Variants in MEIS1 observed in about 807,000 individuals in gnomAD.
MEIS1 encodes homeobox protein Meis1.
Under a neutral mutation model 50.8 loss-of-function variants are expected in MEIS1, and 5 were observed. The ratio of observed to expected loss-of-function variants is 0.10; its 90% CI spans 0.05 to 0.21. The LOEUF (loss-of-function observed/expected upper bound fraction) is 0.21. Ranked by LOEUF, MEIS1 falls within the 10% of genes least tolerant of loss-of-function variation. The pLI, the probability that MEIS1 is intolerant of heterozygous loss-of-function variation, is 1.00. For synonymous variants in MEIS1, 176 were observed against 179.3 expected (o/e 0.98, Z 0.15); for missense variants, 318 against 517.3 (o/e 0.61, Z 3.74).
At chr2:66,438,953 C>T (rs1331805166) in intron 2 of MEIS1, 1 of 152,084 alleles carries the variant, frequency 6.6e-6, no homozygotes, top group Non-Finnish European at 1.5e-5. Flanking sequence ...TGGGACAGAA[C>T]ATTTGGGGAA....
intron 8 of MEIS1, among the ~76,000 whole-genome samples, chr2:66,521,144 T>C (rs4586617): frequency 1.3e-5 from 2 of 152,152 alleles, no homozygotes; most frequent in African/African-American, 4.8e-5. Context: ...GAAAGCTACA[T>C]CTGTTGATAT....
At chr2:66,512,414 C>G in intron 8 of MEIS1, 120 bp downstream of exon 8, 2 of 1,186,634 alleles carry the variant, frequency 1.7e-6, no homozygotes, top group Non-Finnish European at 2.3e-6. Flanking sequence ...TAACTGTGTT[C>G]CCACAGTTTT....
At chr2:66,561,053 A>G (rs1302935221) in intron 9 of MEIS1, among the ~76,000 whole-genome samples, 4 of 152,224 alleles carry the variant, frequency 2.6e-5, no homozygotes, top group Admixed American at 2.6e-4. Flanking sequence ...TGAACTCTGA[A>G]GACCAACAGT....
intron 7 of MEIS1, among the ~76,000 whole-genome samples, chr2:66,476,070 G>A (rs895014155): frequency 6.6e-6 from 1 of 152,150 alleles, no homozygotes; most frequent in South Asian, 2.1e-4. Flanking sequence ...ATGGGGTTGA[G>A]GATGCTGTTG....
At chr2:66,570,356 A>G (rs1488265074) in intron 12 of MEIS1, 1 of 141,716 alleles carries the variant, frequency 7.1e-6, no homozygotes, top group Non-Finnish European at 1.5e-5. Flanking sequence ...CTAGGTTATT[A>G]CAAAAAAAAT....
intron 8 of MEIS1, among the ~76,000 whole-genome samples, chr2:66,513,553 A>G (rs1673884816): frequency 6.6e-6 from 1 of 151,960 alleles, no homozygotes; most frequent in African/African-American, 2.4e-5. Flanking sequence ...CAGATTTTCC[A>G]GCATCAGTGA....
intron 10 of MEIS1, 150 bp from the exon 11 acceptor site, chr2:66,568,512 GTCTGA>G: frequency 1.8e-6 from 1 of 568,030 alleles, no homozygotes; most frequent in South Asian, 2.0e-5. Context: ...TGTAGATCTA[GTCTGA>G]GAGAAATTTC....
At chr2:66,484,654 G>C (rs528113837) in intron 7 of MEIS1, among the ~76,000 whole-genome samples, 13 of 152,182 alleles carry the variant, frequency 8.5e-5, no homozygotes, top group Admixed American at 8.5e-4. Context: ...TCCCTCCTGG[G>C]TTCAAGCAAT....
Position 66,437,807 on chromosome 2 carries a change from A to G in MEIS1, c.83A>G (p.His28Arg). The G allele has an allele frequency of 6.2e-7, 1 of 1,613,938 alleles. No individual in the cohort carries two copies. Among genetic ancestry groups the G allele is most frequent in the Non-Finnish European group, 8.5e-7 (1 of 1,179,892 alleles). ...GIPSTMYGDPHAARSMQPVHH... is the reference protein window; with the variant it reads ...GIPSTMYGDPRAARSMQPVHH... ...CCCTCCACGATGTATGGGGACCCGCATGCAGCCAGGTCCATGCAGCCGGTC... is the reference window on the plus strand; with the variant it reads ...CCCTCCACGATGTATGGGGACCCGCGTGCAGCCAGGTCCATGCAGCCGGTC... Residue 28 changes from histidine (H) to arginine (R), a missense_variant, in exon 2 of 13, where the codon CAT (histidine) becomes CGT (arginine). Physicochemically the swap from His to Arg is conservative, Grantham distance 29. Transcript: ENST00000272369.
At chr2:66,482,250 T>C (rs1673034834) in intron 7 of MEIS1, among the ~76,000 whole-genome samples, 1 of 152,188 alleles carries the variant, frequency 6.6e-6, no homozygotes, top group Admixed American at 6.5e-5. Context: ...AAATAACTCA[T>C]TTTTCATGCA....
At chr2:66,529,735 G>A (rs919771012) in intron 8 of MEIS1, among the ~76,000 whole-genome samples, 2 of 152,228 alleles carry the variant, frequency 1.3e-5, no homozygotes, top group Non-Finnish European at 2.9e-5. Context: ...ATATACTTTA[G>A]ACAGAAGCTT....
intron 7 of MEIS1, among the ~76,000 whole-genome samples, chr2:66,500,852 A>G (rs1673537090): frequency 6.6e-6 from 1 of 152,254 alleles, no homozygotes; most frequent in African/African-American, 2.4e-5. Context: ...ACACATATAT[A>G]CATGCATAGC....
At chr2:66,568,530 T>A in intron 10 of MEIS1, 137 bp from the exon 11 acceptor site, 1 of 365,396 alleles carries the variant, frequency 2.7e-6, no homozygotes, top group Non-Finnish European at 4.6e-6. Context: ...GAAATTTCAC[T>A]TTGAATGTTT....
Position 66,435,707 on chromosome 2 carries a change from C to A in MEIS1, c.-150C>A. ...GACCGAAGATCTGGGACCAGTAGCT[C>A]ACGTTGCTGGAGACGTTAAGGGATT... On this transcript the variant is annotated 5_prime_UTR_variant, in exon 1 of 13. Transcript: ENST00000272369. 1.5e-6 allele frequency: 1 copy of A among 657,042 alleles called. No homozygotes were observed. Among genetic ancestry groups the A allele is most frequent in the South Asian group, 2.3e-5 (1 of 42,776 alleles). 40.7% of individuals were successfully genotyped at this position (657,042 alleles called of 1,614,324 possible).
At chr2:66,437,438 TTCTC>T (rs762747937) in intron 1 of MEIS1, 66 of 400,004 alleles carry the variant, frequency 1.6e-4, no homozygotes, top group Non-Finnish European at 2.4e-4. Context: ...ATGCTTCTCT[TTCTC>T]TCTTTCTTTC....
At chr2:66,468,982 TAA>T (rs1381262040) in intron 7 of MEIS1, among the ~76,000 whole-genome samples, 1 of 152,206 alleles carries the variant, frequency 6.6e-6, no homozygotes, top group African/African-American at 2.4e-5. Context: ...TGGGAACAAG[TAA>T]AGATATTGCT....
chr2:66,555,028 A>G (rs996338391), intron 9 of MEIS1, among the ~76,000 whole-genome samples: 1 of 152,198 alleles, frequency 6.6e-6, no homozygotes, highest in Non-Finnish European at 1.5e-5. Flanking sequence ...TTCTGAAGTT[A>G]TTGTACAGCA....
intron 6 of MEIS1, among the ~76,000 whole-genome samples, chr2:66,462,831 A>G (rs1372452348): frequency 6.6e-6 from 1 of 152,224 alleles, no homozygotes. Context: ...AGTCAAACAT[A>G]CAAATGGCAT....
At chr2:66,559,478 T>C (rs115734030) in intron 9 of MEIS1, among the ~76,000 whole-genome samples, 1 of 152,342 alleles carries the variant, frequency 6.6e-6, no homozygotes, top group African/African-American at 2.4e-5. Context: ...TATTCAGTAA[T>C]GTGTAAGGGA....
Sources: allele counts gnomAD v4.1 joint callset (sites outside exome capture counted in the v4.1 genomes callset), GRCh38; gene constraint gnomAD v4.1.1; transcripts MANE v1.5; gene names NCBI Gene and HGNC (gene_info 2026-07-23, HGNC 2026-07-21).